ESRRB: variants seen among roughly 807,000 people sequenced by gnomAD.
The protein encoded by ESRRB is estrogen related receptor beta.
A neutral mutation model predicts 46.0 loss-of-function variants in ESRRB; 16 were observed. The observed-to-expected ratio is 0.35, with a 90% CI of 0.24 to 0.53. The LOEUF (loss-of-function observed/expected upper bound fraction) is 0.53. Ranked by LOEUF, ESRRB falls within the 20% of genes least tolerant of loss-of-function variation. The pLI, the probability that ESRRB is intolerant of heterozygous loss-of-function variation, is 0.93. For missense variants in ESRRB, 488 were observed against 607.4 expected (o/e 0.80, Z 2.07); for synonymous variants, 246 against 259.6 (o/e 0.95, Z 0.50).
intron 1 of ESRRB, among the ~76,000 whole-genome samples, chr14:76,317,962 C>A (rs566184870): frequency 5.4e-4 from 83 of 152,320 alleles, no homozygotes; most frequent in Non-Finnish European, 1.0e-3. Flanking sequence ...TGCTGTGTGG[C>A]TTTAGCATCA....
At chr14:76,391,614 G>C (rs1447602620) in intron 1 of ESRRB, among the ~76,000 whole-genome samples, 1 of 152,254 alleles carries the variant, frequency 6.6e-6, no homozygotes, top group Non-Finnish European at 1.5e-5. Flanking sequence ...CACTATGGGA[G>C]TCTTTCACTT....
At position 76,406,771 on chromosome 14, in the gene ESRRB, A is replaced by AAG. The variant is rs1296304594; in HGVS notation, c.50+30320_50+30321insAG. Reference sequence around the variant, plus strand: ...AAACAAACAAACAAACAAACAAAAAACCAGTGCCCCATCCTTGCCCATCCT... The same window carrying AAG: ...AAACAAACAAACAAACAAACAAAAAAAGCCAGTGCCCCATCCTTGCCCATCCT... On this transcript the variant is annotated intron_variant, in intron 1 of 6. Transcript: ENST00000644823. 1.2e-4 allele frequency among the ~76,000 whole-genome samples: 18 copies of AAG among 152,092 alleles called. No individual in the cohort carries two copies. The East Asian group carries it at 3.3e-3, about 28-fold the overall frequency.
intron 1 of ESRRB, among the ~76,000 whole-genome samples, chr14:76,349,605 T>C (rs1386017631): frequency 6.6e-6 from 1 of 152,070 alleles, no homozygotes; most frequent in East Asian, 1.9e-4. Flanking sequence ...ACTCTCTAGT[T>C]GGGGTTTATC....
At chr14:76,391,432 C>A (rs891559463) in intron 1 of ESRRB, among the ~76,000 whole-genome samples, 1 of 152,260 alleles carries the variant, frequency 6.6e-6, no homozygotes, top group Non-Finnish European at 1.5e-5. Flanking sequence ...GCACTACAAG[C>A]CCACAGACCG....
At chr14:76,419,403 C>G (rs1886845595) in intron 1 of ESRRB, among the ~76,000 whole-genome samples, 1 of 152,168 alleles carries the variant, frequency 6.6e-6, no homozygotes, top group Non-Finnish European at 1.5e-5. Context: ...GCCTTGCCCC[C>G]TACCCACTAA....
chr14:76,481,490 T>G (rs142591342), intron 3 of ESRRB, among the ~76,000 whole-genome samples: 89 of 152,304 alleles, frequency 5.8e-4, no homozygotes, highest in African/African-American at 2.0e-3. Flanking sequence ...CCCTGGGGAC[T>G]TGTGTAAAGA....
intron 1 of ESRRB, among the ~76,000 whole-genome samples, chr14:76,335,529 C>T (rs750428004): frequency 3.9e-5 from 6 of 152,250 alleles, no homozygotes; most frequent in African/African-American, 1.4e-4. Context: ...GCAGTGGTAG[C>T]GAAGACAGAC....
At chr14:76,413,756 T>A (rs1886538673) in intron 1 of ESRRB, among the ~76,000 whole-genome samples, 2 of 152,070 alleles carry the variant, frequency 1.3e-5, no homozygotes, top group Non-Finnish European at 2.9e-5. Context: ...AGTAAGCGAA[T>A]AGTAACAACT....
chr14:76,376,082 C>T, upstream of ESRRB: 1 of 183,342 alleles, frequency 5.5e-6, no homozygotes. The surrounding 1 kb of genome is among the most constrained non-coding windows in gnomAD (Gnocchi z 4.1). Flanking sequence ...CCAATAGGAG[C>T]CAAACTATAC....
intron 1 of ESRRB, among the ~76,000 whole-genome samples, chr14:76,378,537 A>G (rs987366257): frequency 2.0e-5 from 3 of 152,090 alleles, no homozygotes; most frequent in Admixed American, 2.0e-4. Context: ...CATGGGGCAC[A>G]GGAAAAGCCA....
chr14:76,465,472 G>A (rs751508626), intron 3 of ESRRB, among the ~76,000 whole-genome samples: 4 of 152,132 alleles, frequency 2.6e-5, no homozygotes, highest in Admixed American at 1.3e-4. Flanking sequence ...ACAATTGACC[G>A]GTGGCCACTC....
intron 3 of ESRRB, among the ~76,000 whole-genome samples, chr14:76,475,523 T>C (rs1889546984): frequency 1.3e-5 from 2 of 152,384 alleles, no homozygotes; most frequent in Middle Eastern, 3.4e-3. Context: ...CTAAGTAACA[T>C]TTCATGTATA....
At chr14:76,380,204 G>A (rs926776696) in intron 1 of ESRRB, among the ~76,000 whole-genome samples, 7 of 152,166 alleles carry the variant, frequency 4.6e-5, no homozygotes, top group Non-Finnish European at 1.0e-4. Context: ...TCTGCTGAAT[G>A]CCTTGTTTCT....
At chr14:76,360,062 G>A (rs1389277505) in intron 1 of ESRRB, among the ~76,000 whole-genome samples, 2 of 152,166 alleles carry the variant, frequency 1.3e-5, no homozygotes, top group East Asian at 1.9e-4. Flanking sequence ...CCAGGGTCTA[G>A]TTTTCAATTG....
At chr14:76,401,280 G>A (rs1367741880) in intron 1 of ESRRB, among the ~76,000 whole-genome samples, 1 of 152,186 alleles carries the variant, frequency 6.6e-6, no homozygotes, top group Non-Finnish European at 1.5e-5. Context: ...ATGATGAATG[G>A]GGACCGTGAG....
Position 76,472,585 on chromosome 14 carries a change from A to C in ESRRB, c.578-9431A>C, listed in dbSNP as rs538990445. ...AATGAGCCATTGTGTCTGAGGCAGC[A>C]AGGCAAGCTTGCCTGTCACCCAGAA... is the stretch of plus-strand genomic sequence containing the variant. On this transcript the variant is annotated intron_variant, in intron 3 of 6. Coordinates refer to ENST00000644823, the MANE Select transcript of ESRRB (RefSeq NM_001379180.1). Among the ~76,000 whole-genome samples, 5 of 152,342 alleles carry C rather than the reference A, an allele frequency of 3.3e-5. No homozygotes were observed. In the South Asian group the frequency reaches 1.0e-3, roughly 32 times the overall value.
intron 3 of ESRRB, among the ~76,000 whole-genome samples, chr14:76,475,697 G>A (rs959738878): frequency 2.6e-5 from 4 of 152,112 alleles, no homozygotes; most frequent in South Asian, 2.1e-4. Flanking sequence ...CTACACAGAT[G>A]TATGTTCAGA....
chr14:76,440,657 T>C (rs1161707962), intron 2 of ESRRB, among the ~76,000 whole-genome samples: 1 of 151,452 alleles, frequency 6.6e-6, no homozygotes, highest in Admixed American at 6.6e-5. Flanking sequence ...CTGTATTTTC[T>C]TTCCTTCCTT....
At chr14:76,445,402 C>T (rs1304041297) in intron 2 of ESRRB, among the ~76,000 whole-genome samples, 1 of 137,096 alleles carries the variant, frequency 7.3e-6, no homozygotes, top group Non-Finnish European at 1.5e-5. Context: ...ACCCGGGAGG[C>T]AGAGGTTGCA....
Sources: allele counts gnomAD v4.1 joint callset (sites outside exome capture counted in the v4.1 genomes callset), GRCh38; gene constraint gnomAD v4.1.1; non-coding constraint Gnocchi (gnomAD v3.1); transcripts MANE v1.5; gene names NCBI Gene and HGNC (gene_info 2026-07-23, HGNC 2026-07-21).